The following EGFR variants were observed in gnomAD, a reference collection of about 807,000 sequenced individuals.
EGFR encodes epidermal growth factor receptor.
Under a neutral mutation model 143.0 loss-of-function variants are expected in EGFR, and 58 were observed. The ratio of observed to expected loss-of-function variants is 0.41; its 90% CI spans 0.33 to 0.50. EGFR has a LOEUF of 0.50. Among genes scored for constraint, EGFR ranks in the 20% least tolerant of loss-of-function variants. The pLI is 0.39. For synonymous variants in EGFR, 613 were observed against 594.4 expected (o/e 1.03, Z -0.45); for missense variants, 1,307 against 1,579.0 (o/e 0.83, Z 2.92).
chr7:55,181,544 C>T, intron 20 of EGFR, 66 bp downstream of exon 20: 1 of 1,598,044 alleles, frequency 6.3e-7, no homozygotes, highest in Non-Finnish European at 8.6e-7. Flanking sequence ...GCGGTCTGCG[C>T]TCCTGGGATA....
intron 2 of EGFR, among the ~76,000 whole-genome samples, 166 bp downstream of exon 2, chr7:55,142,603 G>A (rs1482175014): frequency 6.6e-6 from 1 of 152,200 alleles, no homozygotes; most frequent in African/African-American, 2.4e-5. Flanking sequence ...ACCAGCTAAT[G>A]TCAAGTAATA....
At chr7:55,041,272 A>G (rs1307257544) in intron 1 of EGFR, among the ~76,000 whole-genome samples, 1 of 152,194 alleles carries the variant, frequency 6.6e-6, no homozygotes, top group Non-Finnish European at 1.5e-5. Flanking sequence ...AATTAGCTGG[A>G]TGATGGCACA....
At chr7:55,200,720 T>G in intron 24 of EGFR, 1 of 516,086 alleles carries the variant, frequency 1.9e-6, no homozygotes, top group South Asian at 2.1e-5. Flanking sequence ...TATTGGGCTT[T>G]GGTGTCAGGC....
At chr7:55,197,327 T>C (rs183841309) in intron 22 of EGFR, among the ~76,000 whole-genome samples, 3 of 152,328 alleles carry the variant, frequency 2.0e-5, no homozygotes, top group African/African-American at 7.2e-5. Flanking sequence ...TGTTGGCATA[T>C]TGGAATGCTA....
intron 1 of EGFR, among the ~76,000 whole-genome samples, chr7:55,120,774 G>A (rs1053129884): frequency 2.6e-5 from 4 of 152,100 alleles, no homozygotes; most frequent in African/African-American, 9.7e-5. Flanking sequence ...TCATCGGGCT[G>A]CATATTCCTA....
intron 4 of EGFR, among the ~76,000 whole-genome samples, chr7:55,150,704 G>A (rs535733912): frequency 4.0e-4 from 61 of 152,216 alleles, no homozygotes; most frequent in Admixed American, 1.8e-3. Context: ...ATTTGTAATC[G>A]GCCAATTATA....
At chr7:55,146,471 C>A in intron 3 of EGFR, 135 bp from the exon 4 acceptor site, 1 of 1,422,170 alleles carries the variant, frequency 7.0e-7, no homozygotes, top group Non-Finnish European at 9.6e-7. Context: ...GGGAAGTTCA[C>A]TGGGCTAATT....
intron 16 of EGFR, among the ~76,000 whole-genome samples, chr7:55,172,285 G>T (rs1158879141): frequency 1.3e-5 from 2 of 152,082 alleles, no homozygotes; most frequent in African/African-American, 4.8e-5. Context: ...TATATCTTAC[G>T]GTATTCTAGT....
At chr7:55,023,193 C>T (rs1403568378) in intron 1 of EGFR, among the ~76,000 whole-genome samples, 1 of 152,074 alleles carries the variant, frequency 6.6e-6, no homozygotes, top group African/African-American at 2.4e-5. Context: ...GTGTGTGTGC[C>T]TGTGTGTCTG....
chr7:55,169,328 T>C (rs1786231318), intron 15 of EGFR, among the ~76,000 whole-genome samples: 2 of 152,060 alleles, frequency 1.3e-5, no homozygotes, highest in African/African-American at 4.8e-5. Context: ...CTTGATCTCC[T>C]GACAAGTGAT....
intron 1 of EGFR, among the ~76,000 whole-genome samples, chr7:55,132,392 G>A (rs1224477180): frequency 6.6e-6 from 1 of 152,130 alleles, no homozygotes. Flanking sequence ...GTTTCTTACA[G>A]ATAACTATGA....
rs767674013 is a variant in EGFR at position 55,181,374 on chromosome 7, A to C, written c.2365A>C (p.Ile789Leu). ...GICLTSTVQLITQLMPFGCLL... is the reference protein window; with the variant it reads ...GICLTSTVQLLTQLMPFGCLL... The stretch of plus-strand genomic sequence containing the variant: ...CTGCCTCACCTCCACCGTGCAGCTC[A>C]TCACGCAGCTCATGCCCTTCGGCTG... Residue 789 changes from isoleucine (I) to leucine (L), a missense_variant, in exon 20 of 28, where the codon ATC becomes CTC. Transcript: ENST00000275493. The C allele has an allele frequency of 1.3e-5, 21 of 1,613,804 alleles. No individual in the cohort carries two copies. The South Asian group carries it at 2.1e-4, about 16-fold the overall frequency.
intron 1 of EGFR, among the ~76,000 whole-genome samples, chr7:55,110,463 G>A (rs1456507288): frequency 1.3e-5 from 2 of 152,216 alleles, no homozygotes; most frequent in African/African-American, 2.4e-5. Context: ...CACTGGGAAA[G>A]GCGGACAGAG....
chr7:55,150,143 A>G (rs1397353784), intron 4 of EGFR, among the ~76,000 whole-genome samples: 2 of 152,350 alleles, frequency 1.3e-5, no homozygotes, highest in East Asian at 1.9e-4. Context: ...TTTCTTTTAA[A>G]TATTTTTATT....
At chr7:55,059,915 T>C (rs1230775395) in intron 1 of EGFR, among the ~76,000 whole-genome samples, 1 of 150,506 alleles carries the variant, frequency 6.6e-6, no homozygotes, top group Non-Finnish European at 1.5e-5. Flanking sequence ...AAGGGCTGGG[T>C]GGAAGTAGGG....
chr7:55,152,770 G>T, intron 6 of EGFR, 106 bp downstream of exon 6: 2 of 919,962 alleles, frequency 2.2e-6, no homozygotes, highest in Non-Finnish European at 1.7e-6. Flanking sequence ...ATTAGCATTT[G>T]TCATAACAGA....
chr7:55,135,592 C>T (rs1314533821), intron 1 of EGFR, among the ~76,000 whole-genome samples: 1 of 152,040 alleles, frequency 6.6e-6, no homozygotes, highest in Non-Finnish European at 1.5e-5. Context: ...ATGACTTTTT[C>T]CATCCCACAA....
chr7:55,178,631 C>T (rs1356556783), intron 19 of EGFR, among the ~76,000 whole-genome samples: 1 of 152,216 alleles, frequency 6.6e-6, no homozygotes, highest in African/African-American at 2.4e-5. Flanking sequence ...ACAAAATACG[C>T]TTCCTGGCCC....
chr7:55,143,353 G>C lies in EGFR; in HGVS notation c.289G>C (p.Glu97Gln), dbSNP rs755189573. The C allele has an allele frequency of 6.2e-7, 1 of 1,614,058 alleles. No individual in the cohort carries two copies. The highest frequency in any genetic ancestry group is 8.5e-7 in the Non-Finnish European group (1 of 1,180,060). Residue 97 changes from glutamate to glutamine, a missense_variant, in exon 3 of 28, where the codon GAG becomes CAG. Glu to Gln is a conservative substitution (Grantham distance 29). Around this residue, in one of 7 missense-constraint regions of EGFR, gnomAD observed 311 missense variants for 412.3 expected, o/e 0.75. Transcript: ENST00000275493. The part of the protein sequence containing the change: ...GYVLIALNTV[E>Q]RIPLENLQII... The stretch of plus-strand genomic sequence containing the variant: ...TGTCCTCATTGCCCTCAACACAGTG[G>C]AGCGAATTCCTTTGGAAAACCTGCA...
Sources: gnomAD v4.1 joint callset for allele counts (sites outside exome capture counted in the v4.1 genomes callset) on GRCh38, gnomAD v4.1.1 for gene constraint, gnomAD v4.1.1 regional missense constraint, MANE v1.5 for transcripts, NCBI Gene and HGNC (gene_info 2026-07-23, HGNC 2026-07-21) for gene names.